The following SPG11 variants were observed in gnomAD, a reference collection of about 807,000 sequenced individuals.
The protein encoded by SPG11 is spatacsin.
In SPG11, 222 loss-of-function variants were observed where a neutral mutation model predicts 274.0. That is an observed-to-expected ratio of 0.81 (90% CI 0.73 to 0.91). SPG11 has a LOEUF of 0.91. Ranked by LOEUF, SPG11 falls within the 40% of genes least tolerant of loss-of-function variation. The pLI is 0.00. For missense variants in SPG11, 3,114 were observed against 2,872.7 expected (o/e 1.08, Z -1.92); for synonymous variants, 1,144 against 1,039.7 (o/e 1.10, Z -1.93).
At chr15:44,565,603 T>C (rs1397125447) in intron 38 of SPG11, among the ~76,000 whole-genome samples, 1 of 152,214 alleles carries the variant, frequency 6.6e-6, no homozygotes, top group Non-Finnish European at 1.5e-5. Context: ...CAAAGGTGTC[T>C]GCCTCTCTGC....
chr15:44,588,136 C>A (rs1247202860), intron 28 of SPG11, among the ~76,000 whole-genome samples: 2 of 151,988 alleles, frequency 1.3e-5, no homozygotes, highest in African/African-American at 4.8e-5. Context: ...GAGAAAATAA[C>A]CCTAGTAGCC....
intron 15 of SPG11, among the ~76,000 whole-genome samples, chr15:44,619,571 G>T (rs1877418217): frequency 6.6e-6 from 1 of 152,100 alleles, no homozygotes; most frequent in African/African-American, 2.4e-5. Flanking sequence ...GGATACTAAG[G>T]TATCTCCATC....
rs2140947185 is a variant in SPG11, at chr15:44,584,309, A to G, written c.5371T>C (p.Leu1791=). 1 of 1,612,084 alleles carries G rather than the reference A, an allele frequency of 6.2e-7. No individual in the cohort carries two copies. The highest frequency in any genetic ancestry group is 8.5e-7 in the Non-Finnish European group (1 of 1,178,662). ...HWLAQEDVVP[L]DKLEELEKQI... ...TTCTCCAGCTCCTCCAGCTTATCCA[A>G]GGGCACCACGTCCTCCTGGGCAAGC... Residue 1791 remains leucine (L), a synonymous_variant, in exon 30 of 40, where the codon TTG becomes CTG. Transcript: ENST00000261866.
chr15:44,628,650 G>A lies in SPG11; in HGVS notation c.2067+19C>T, dbSNP rs1198000441. On this transcript the variant is annotated intron_variant, in intron 10 of 39. Coordinates refer to ENST00000261866, the MANE Select transcript of SPG11 (RefSeq NM_025137.4). ...TCTGAATCTGGCAAATAAAAGAAGTGATGATTATTCGTACTTACCTCAAAG... is the reference window on the plus strand; with the variant it reads ...TCTGAATCTGGCAAATAAAAGAAGTAATGATTATTCGTACTTACCTCAAAG... The A allele has an allele frequency of 6.2e-7, 1 of 1,606,406 alleles. No individual in the cohort carries two copies. Among genetic ancestry groups the A allele is most frequent in the African/African-American group, 1.3e-5 (1 of 74,782 alleles).
chr15:44,600,740 C>T (rs2083164638), intron 20 of SPG11, 108 bp from the exon 21 acceptor site: 1 of 1,198,680 alleles, frequency 8.3e-7, no homozygotes, highest in Admixed American at 1.8e-5. Context: ...AATTATTTTG[C>T]ATCACTACGT....
chr15:44,628,148 GTAT>G (rs1345688929), intron 10 of SPG11, among the ~76,000 whole-genome samples: 1 of 152,126 alleles, frequency 6.6e-6, no homozygotes, highest in Non-Finnish European at 1.5e-5. Flanking sequence ...AATTTTAGTT[GTAT>G]TATAACTTTT....
intron 4 of SPG11, among the ~76,000 whole-genome samples, chr15:44,654,456 C>T (rs1465918945): frequency 1.3e-5 from 2 of 149,254 alleles, no homozygotes; most frequent in African/African-American, 2.5e-5. Flanking sequence ...TGCAGTGGGC[C>T]GAGACTGCAC....
chr15:44,610,754 A>T, intron 18 of SPG11, 86 bp downstream of exon 18: 1 of 1,251,448 alleles, frequency 8.0e-7, no homozygotes, highest in Non-Finnish European at 1.2e-6. Flanking sequence ...GTTATATTTT[A>T]ATATCAGCTG....
At chr15:44,653,815 T>C (rs1162857918) in intron 4 of SPG11, among the ~76,000 whole-genome samples, 1 of 152,106 alleles carries the variant, frequency 6.6e-6, no homozygotes, top group African/African-American at 2.4e-5. Context: ...CCAAACCCTA[T>C]ACATACAGTT....
intron 7 of SPG11, among the ~76,000 whole-genome samples, chr15:44,635,115 C>T (rs2084199323): frequency 1.3e-5 from 2 of 151,926 alleles, no homozygotes; most frequent in South Asian, 4.1e-4. Context: ...ACTCAAAAGT[C>T]TGGGGCAGGA....
At chr15:44,583,314 T>C (rs545120319) in intron 30 of SPG11, among the ~76,000 whole-genome samples, 26 of 152,160 alleles carry the variant, frequency 1.7e-4, no homozygotes, top group Non-Finnish European at 2.4e-4. Flanking sequence ...ACCCGGTCTC[T>C]ACTAATACAA....
chr15:44,633,296 G>C (rs959518708), intron 8 of SPG11, among the ~76,000 whole-genome samples: 3 of 107,736 alleles, frequency 2.8e-5, no homozygotes, highest in African/African-American at 1.1e-4. Context: ...CCGCACTCCA[G>C]CCTAGGCAAC....
chr15:44,564,774 C>T (rs568873265), intron 38 of SPG11, 76 bp from the exon 39 acceptor site: 2 of 1,483,768 alleles, frequency 1.3e-6, no homozygotes, highest in African/African-American at 1.4e-5. Flanking sequence ...TTGTAGAAAA[C>T]AATACTGTAT....
intron 16 of SPG11, among the ~76,000 whole-genome samples, chr15:44,615,020 T>C (rs2141013979): frequency 6.6e-6 from 1 of 152,344 alleles, no homozygotes; most frequent in South Asian, 2.1e-4. Flanking sequence ...TTGCTTAGCA[T>C]TCTCTTGGTA....
intron 7 of SPG11, among the ~76,000 whole-genome samples, chr15:44,636,497 T>C (rs943022056): frequency 6.6e-6 from 1 of 150,690 alleles, no homozygotes; most frequent in Non-Finnish European, 1.5e-5. Context: ...CCGTCTCTAC[T>C]AAAAAATACA....
intron 8 of SPG11, among the ~76,000 whole-genome samples, chr15:44,630,575 G>A (rs148168338): frequency 6.6e-6 from 1 of 152,232 alleles, no homozygotes; most frequent in East Asian, 1.9e-4. Flanking sequence ...AAAATAGAAT[G>A]TGTGTTTTTG....
At chr15:44,613,322 G>C in intron 17 of SPG11, 108 bp downstream of exon 17, 3 of 793,298 alleles carry the variant, frequency 3.8e-6, no homozygotes, top group Non-Finnish European at 6.5e-6. Context: ...TCAGATAGCT[G>C]ACCACAGCCA....
At chr15:44,580,820 T>TTCAAGGAC (rs2082645052) in intron 30 of SPG11, among the ~76,000 whole-genome samples, 1 of 152,090 alleles carries the variant, frequency 6.6e-6, no homozygotes, top group South Asian at 2.1e-4. Context: ...TGAACAAAAC[T>TTCAAGGAC]TCAAGGACTT....
chr15:44,608,689 C>A, intron 18 of SPG11, 84 bp from the exon 19 acceptor site: 2 of 1,325,410 alleles, frequency 1.5e-6, no homozygotes, highest in Non-Finnish European at 2.1e-6. Context: ...CCTTGTGAAA[C>A]AAGATTAGCT....
Sources: gnomAD v4.1 joint callset for allele counts (sites outside exome capture counted in the v4.1 genomes callset) on GRCh38, gnomAD v4.1.1 for gene constraint, MANE v1.5 for transcripts, NCBI Gene and HGNC (gene_info 2026-07-23, HGNC 2026-07-21) for gene names.